The following PDE10A variants were observed in gnomAD, a reference collection of about 807,000 sequenced individuals.
The protein encoded by PDE10A is phosphodiesterase 10A.
A neutral mutation model predicts 97.7 loss-of-function variants in PDE10A; 39 were observed. The ratio of observed to expected loss-of-function variants is 0.40; its 90% confidence interval spans 0.31 to 0.52. The LOEUF (loss-of-function observed/expected upper bound fraction) is 0.52, where lower values mean the gene tolerates loss of function less well. PDE10A is among the 20% of genes least tolerant of loss of function. The pLI, the probability that PDE10A is intolerant of heterozygous loss-of-function variation, is 0.56. For synonymous variants in PDE10A, 371 were observed against 376.8 expected, an observed-to-expected ratio of 0.98 and a Z score of 0.18; for missense variants, 731 against 1,047.8, an observed-to-expected ratio of 0.70 and a Z score of 4.17.
intron 18 of PDE10A, among the ~76,000 whole-genome samples, chr6:165,368,555 A>G (rs531946025): frequency 2.0e-5 from 3 of 152,326 alleles, no homozygotes; most frequent in African/African-American, 2.4e-5. Flanking sequence ...GGGTATAACA[A>G]GAAAAACCAA....
At chr6:165,811,574 G>T (rs1308040625) in intron 1 of PDE10A, among the ~76,000 whole-genome samples, 1 of 152,228 alleles carries the variant, frequency 6.6e-6, no homozygotes, top group Admixed American at 6.5e-5. Context: ...TCTATTTCCC[G>T]TCTGGGTCCT....
chr6:165,339,864 T>G (rs938350067), intron 19 of PDE10A, among the ~76,000 whole-genome samples: 1 of 152,224 alleles, frequency 6.6e-6, no homozygotes, highest in African/African-American at 2.4e-5. Flanking sequence ...AGGTAATACT[T>G]ACTAAAGATT....
At chr6:165,785,506 A>G (rs1778467901) in intron 1 of PDE10A, among the ~76,000 whole-genome samples, 1 of 152,222 alleles carries the variant, frequency 6.6e-6, no homozygotes, top group South Asian at 2.1e-4. Flanking sequence ...TGCTAAGAAA[A>G]TACTATTATT....
At chr6:165,775,256 C>G (rs184046937) in intron 1 of PDE10A, 3 of 152,306 alleles carry the variant, frequency 2.0e-5, no homozygotes, top group African/African-American at 4.8e-5. Context: ...GTTGCTACAA[C>G]AAGAACGGTG....
At chr6:165,601,169 C>T (rs566918408) in intron 1 of PDE10A, among the ~76,000 whole-genome samples, 9 of 152,284 alleles carry the variant, frequency 5.9e-5, no homozygotes, top group African/African-American at 1.7e-4. Context: ...TTTGCTTCTT[C>T]CTCATTTTTC....
chr6:165,706,030 A>G (rs1562694873), intron 1 of PDE10A, among the ~76,000 whole-genome samples: 1 of 152,168 alleles, frequency 6.6e-6, no homozygotes, highest in Non-Finnish European at 1.5e-5. Context: ...GGGCGGCCAC[A>G]CTCCTAATGC....
chr6:165,842,864 G>A (rs1332245713), intron 1 of PDE10A, among the ~76,000 whole-genome samples: 3 of 152,232 alleles, frequency 2.0e-5, no homozygotes, highest in African/African-American at 7.2e-5. Context: ...TCTGGCTCCT[G>A]CCCTGACCCT....
chr6:165,765,104 T>C (rs548636885), intron 1 of PDE10A, among the ~76,000 whole-genome samples: 1 of 152,298 alleles, frequency 6.6e-6, no homozygotes, highest in South Asian at 2.1e-4. Flanking sequence ...AGGGTGCTGA[T>C]TGGTGTGTTT....
chr6:165,934,824 G>A (rs9457122), intron 1 of PDE10A, among the ~76,000 whole-genome samples: 23,689 of 152,084 alleles, frequency 0.16, 2,012 homozygotes, highest in Non-Finnish European at 0.19. Flanking sequence ...AGATACAAAT[G>A]TAAGTTTGAG....
intron 1 of PDE10A, among the ~76,000 whole-genome samples, chr6:165,905,981 C>CTCCTTCCT (rs1159735811): frequency 1.6e-4 from 15 of 92,588 alleles, no homozygotes; most frequent in African/African-American, 4.9e-4. Context: ...TTCCCTTTTT[C>CTCCTTCCT]TCCTTCCTTC....
At chr6:165,684,289 T>C (rs1431512331) in intron 1 of PDE10A, among the ~76,000 whole-genome samples, 1 of 152,258 alleles carries the variant, frequency 6.6e-6, no homozygotes, top group Non-Finnish European at 1.5e-5. Context: ...TAGGACTGCC[T>C]GGTCCATATG....
In PDE10A at chr6:165,343,533, A is replaced by G. The variant is rs1782110799; in HGVS notation, c.2784-31T>C. ...ACACAACAATATAAGACTGGTCAGCATAGCATTTGCACATTTATAGTAAGG... is the reference window on the plus strand; with the variant it reads ...ACACAACAATATAAGACTGGTCAGCGTAGCATTTGCACATTTATAGTAAGG... On this transcript the variant is annotated intron_variant, in intron 18 of 21. Transcript: ENST00000539869. The G allele has an allele frequency of 8.9e-6, 13 of 1,461,522 alleles. No homozygotes were observed. The East Asian group carries it at 2.9e-4, about 33-fold the overall frequency. 90.5% of individuals were successfully genotyped at this position (1,461,522 alleles called of 1,614,324 possible).
chr6:165,796,112 T>TTC (rs1562741090), intron 1 of PDE10A, among the ~76,000 whole-genome samples: 2 of 147,344 alleles, frequency 1.4e-5, no homozygotes, highest in African/African-American at 5.1e-5. Flanking sequence ...TTTTTTTTTT[T>TTC]TGAGACGGAG....
chr6:165,670,274 A>G (rs1790610961), intron 1 of PDE10A, among the ~76,000 whole-genome samples: 1 of 152,226 alleles, frequency 6.6e-6, no homozygotes, highest in South Asian at 2.1e-4. Flanking sequence ...GTTTTATTGC[A>G]TGTAACTGAC....
In PDE10A at chr6:165,758,610, A is replaced by C. The variant is rs148991646; in HGVS notation, c.-614-215042T>G. ...GAAGAAAAAGAGGCAGCAGCAGAAG[A>C]AGCAGCAGAAGAAGAGGAAGAAGAA... On this transcript the variant is annotated intron_variant, in intron 1 of 19. Transcript: ENST00000366882. Among the ~76,000 whole-genome samples the C allele has an allele frequency of 7.7e-3, 1,168 of 151,728 alleles. 4 individuals are homozygous for C. Among genetic ancestry groups the C allele is most frequent in the Non-Finnish European group, 0.011 (775 of 67,862 alleles).
chr6:165,504,898 A>G (rs1781101602), intron 2 of PDE10A, among the ~76,000 whole-genome samples: 1 of 152,142 alleles, frequency 6.6e-6, no homozygotes, highest in Non-Finnish European at 1.5e-5. Context: ...ATGTACTATT[A>G]CTAAGGTGAG....
intron 1 of PDE10A, among the ~76,000 whole-genome samples, chr6:165,967,609 T>A (rs1167598262): frequency 5.3e-5 from 8 of 152,236 alleles, no homozygotes; most frequent in Admixed American, 3.9e-4. Context: ...AAGGAAAAGA[T>A]GATTTGAATA....
At chr6:165,706,175 G>A (rs543305025) in intron 1 of PDE10A, among the ~76,000 whole-genome samples, 1 of 152,198 alleles carries the variant, frequency 6.6e-6, no homozygotes, top group Non-Finnish European at 1.5e-5. Context: ...GATGATCTGA[G>A]AGGCAAAAGC....
chr6:165,517,291 A>ATTT (rs1562540067), intron 2 of PDE10A, among the ~76,000 whole-genome samples: 23 of 152,288 alleles, frequency 1.5e-4, no homozygotes, highest in African/African-American at 5.1e-4. Flanking sequence ...TACAAGTCTT[A>ATTT]AATAGACTCA....
Sources: gnomAD v4.1 joint callset for allele counts (sites outside exome capture counted in the v4.1 genomes callset) on GRCh38, gnomAD v4.1.1 for gene constraint, MANE v1.5 for transcripts, NCBI Gene and HGNC (gene_info 2026-07-23, HGNC 2026-07-21) for gene names.